The following FAM220A variants were observed in gnomAD, a reference collection of about 807,000 sequenced individuals.
FAM220A encodes the protein protein FAM220A.
For missense variants in FAM220A, 392 were observed against 321.6 expected, an observed-to-expected ratio of 1.22 and a Z score of -1.68; for synonymous variants, 141 against 130.7, an observed-to-expected ratio of 1.08 and a Z score of -0.54.
At chr7:6,346,570 A>C (rs554056565) in intron 1 of FAM220A, among the ~76,000 whole-genome samples, 1 of 152,106 alleles carries the variant, frequency 6.6e-6, no homozygotes, top group African/African-American at 2.4e-5. Context: ...TAGTAGAGAC[A>C]GGGTTTCACC....
intron 1 of FAM220A, among the ~76,000 whole-genome samples, chr7:6,340,944 A>G (rs1248240715): frequency 1.5e-5 from 2 of 130,872 alleles, no homozygotes; most frequent in Non-Finnish European, 3.1e-5. Context: ...CCTGCCTAAC[A>G]TGGTGAAACC....
Position 6,330,960 on chromosome 7 carries a change from C to A in FAM220A, c.195G>T (p.Met65Ile). ...GGCCAGCCCCGCTCGGATCCTTTCT[C>A]ATTTCCAGTGATAATGCCTCACTTT... The part of the protein sequence containing the change: ...NSQSEALSLE[M>I]RKDPSGAGLW... Residue 65 changes from methionine (M) to isoleucine (I), a missense_variant, in exon 2 of 2, where the codon ATG (methionine) becomes ATT (isoleucine). Coordinates refer to ENST00000313324, the MANE Select transcript of FAM220A (RefSeq NM_001037163.2). 6.2e-7 allele frequency: 1 copy of A among 1,614,254 alleles called. No individual in the cohort carries two copies. The highest frequency in any genetic ancestry group is 8.5e-7 in the Non-Finnish European group (1 of 1,180,054).
At chr7:6,347,144 T>A (rs1040086154) in intron 1 of FAM220A, among the ~76,000 whole-genome samples, 1 of 152,108 alleles carries the variant, frequency 6.6e-6, no homozygotes, top group Non-Finnish European at 1.5e-5. Flanking sequence ...CTTGGCAACA[T>A]GGGAAGACCC....
chr7:6,342,520 C>G (rs1017073165), intron 1 of FAM220A, among the ~76,000 whole-genome samples: 3 of 151,768 alleles, frequency 2.0e-5, no homozygotes, highest in African/African-American at 7.3e-5. Context: ...GCCTGGGTGA[C>G]AAAGCGAGAC....
chr7:6,339,808 C>A (rs560332118), intron 1 of FAM220A, among the ~76,000 whole-genome samples: 2 of 151,918 alleles, frequency 1.3e-5, no homozygotes, highest in Non-Finnish European at 2.9e-5. Flanking sequence ...CTCCCCCTCC[C>A]GGTCCCCTGG....
rs565859117 is a variant in FAM220A at position 6,329,907 on chromosome 7, T to C, written c.*468A>G. The stretch of plus-strand genomic sequence containing the variant: ...AATCGAATTTTGCTGCAGACCAAAA[T>C]CATTCTACAAAATGTAGACATGGTA... On this transcript the variant is annotated 3_prime_UTR_variant, in exon 2 of 2. Transcript: ENST00000313324. The C allele has an allele frequency of 5.9e-6, 1 of 169,978 alleles. No individual in the cohort carries two copies. The highest frequency in any genetic ancestry group is 6.3e-5 in the Admixed American group (1 of 15,832). The allele number at this position is 169,978 out of a possible 1,614,324, so 10.5% of individuals were successfully genotyped here. A position where few individuals can be genotyped will look rare whatever the true frequency, so the allele number is the denominator to read the frequency against.
At chr7:6,345,081 G>A (rs1183967981) in intron 1 of FAM220A, among the ~76,000 whole-genome samples, 1 of 151,324 alleles carries the variant, frequency 6.6e-6, no homozygotes, top group East Asian at 2.0e-4. Flanking sequence ...TTTTAGAAAT[G>A]ACATGATCAG....
chr7:6,332,180 A>G (rs1781651089), intron 1 of FAM220A, among the ~76,000 whole-genome samples: 1 of 151,778 alleles, frequency 6.6e-6, no homozygotes, highest in South Asian at 2.1e-4. Context: ...TGGGCATGCT[A>G]CCTAGTGCAT....
intron 1 of FAM220A, among the ~76,000 whole-genome samples, chr7:6,333,515 T>C (rs78977691): frequency 0.035 from 5,293 of 152,240 alleles, 324 homozygotes; most frequent in African/African-American, 0.12. Flanking sequence ...GTTGCTGTTT[T>C]TGAGACGAGG....
chr7:6,342,535 T>C (rs1226888450), intron 1 of FAM220A, among the ~76,000 whole-genome samples: 4 of 150,898 alleles, frequency 2.7e-5, no homozygotes, highest in Non-Finnish European at 5.9e-5. Context: ...CGAGACTCTG[T>C]CTCAAAAAAA....
intron 1 of FAM220A, among the ~76,000 whole-genome samples, chr7:6,347,933 G>A (rs948024005): frequency 8.4e-6 from 1 of 119,710 alleles, no homozygotes; most frequent in Non-Finnish European, 1.8e-5. Context: ...TTATTGAGAT[G>A]GAGTTTCCCT....
chr7:6,338,838 T>G (rs1332766260), intron 1 of FAM220A: 4 of 152,316 alleles, frequency 2.6e-5, no homozygotes, highest in African/African-American at 9.6e-5. Context: ...GAAAGAGGTC[T>G]GGCAAGGCTA....
rs745761164 is a variant in FAM220A, at chr7:6,330,404, CA to C, written c.750del (p.Phe250LeufsTer3). 14 of 1,613,338 alleles carry C rather than the reference CA, an allele frequency of 8.7e-6. No homozygotes were observed. In the African/African-American group the frequency reaches 1.7e-4, roughly 20 times the overall value. ...CTATGGCATAATGTATTTGCTAATTCAAAAGGTTGCAGAGCCAGTAACCCCA... is the reference window on the plus strand; with the variant it reads ...CTATGGCATAATGTATTTGCTAATTCAAAGGTTGCAGAGCCAGTAACCCCA... ...ITLGLLALQP[F>X]ELANTLCHS On this transcript the variant is annotated frameshift_variant, in exon 2 of 2. Transcript: ENST00000313324. LOFTEE classifies it high-confidence loss of function.
intron 1 of FAM220A, among the ~76,000 whole-genome samples, chr7:6,332,658 A>G (rs1430584439): frequency 6.6e-6 from 1 of 152,026 alleles, no homozygotes; most frequent in Non-Finnish European, 1.5e-5. Flanking sequence ...AGATCGAGTC[A>G]CTCTGCCCTC....
chr7:6,341,459 AATT>A (rs1158919912), intron 1 of FAM220A, among the ~76,000 whole-genome samples: 13 of 142,438 alleles, frequency 9.1e-5, no homozygotes, highest in African/African-American at 2.9e-4. Context: ...TAATAATAAT[AATT>A]ATTATTATTA....
chr7:6,333,181 A>C (rs891442722), intron 1 of FAM220A, among the ~76,000 whole-genome samples: 29 of 147,178 alleles, frequency 2.0e-4, no homozygotes, highest in East Asian at 8.3e-4. Flanking sequence ...AAAAAAAAAA[A>C]CAAAAAACAA....
chr7:6,332,113 GAAA>G (rs35433559), intron 1 of FAM220A, among the ~76,000 whole-genome samples: 4 of 129,104 alleles, frequency 3.1e-5, no homozygotes, highest in African/African-American at 5.6e-5. Context: ...CCATCTCACG[GAAA>G]AAAAAAAAAA....
At chr7:6,333,182 C>CAAAAAAAAAAAAA (rs1274755600) in intron 1 of FAM220A, among the ~76,000 whole-genome samples, 2 of 140,064 alleles carry the variant, frequency 1.4e-5, no homozygotes, top group Non-Finnish European at 3.1e-5. Flanking sequence ...AAAAAAAAAA[C>CAAAAAAAAAAAAA]AAAAAACAAA....
At chr7:6,332,708 A>G (rs1282868800) in intron 1 of FAM220A, among the ~76,000 whole-genome samples, 1 of 152,116 alleles carries the variant, frequency 6.6e-6, no homozygotes, top group Non-Finnish European at 1.5e-5. Flanking sequence ...TCAAAAAATA[A>G]AAATTAAAAT....
Sources: gnomAD v4.1 joint callset for allele counts (sites outside exome capture counted in the v4.1 genomes callset) on GRCh38, gnomAD v4.1.1 for gene constraint, MANE v1.5 for transcripts, NCBI Gene and HGNC (gene_info 2026-07-23, HGNC 2026-07-21) for gene names.